C8orf34: variants seen among roughly 807,000 people sequenced by gnomAD.
C8orf34 encodes the protein chromosome 8 open reading frame 34.
Under a neutral mutation model 68.3 loss-of-function variants are expected in C8orf34, and 65 were observed. The ratio of observed to expected loss-of-function variants is 0.95; its 90% CI spans 0.78 to 1.17. C8orf34 has a LOEUF of 1.17. Among genes scored for constraint, C8orf34 ranks in the 50% most tolerant of loss-of-function variants. C8orf34 has a pLI of 0.00. For missense variants in C8orf34, 664 were observed against 655.4 expected (o/e 1.01, Z -0.14); for synonymous variants, 244 against 241.2 (o/e 1.01, Z -0.11).
chr8:68,553,607 A>T (rs753707612), intron 7 of C8orf34, among the ~76,000 whole-genome samples: 1 of 151,848 alleles, frequency 6.6e-6, no homozygotes, highest in African/African-American at 2.4e-5. Flanking sequence ...ATTCCTAGGA[A>T]TCTGTCCATT....
At chr8:68,516,786 G>A (rs1307762886) in intron 5 of C8orf34, among the ~76,000 whole-genome samples, 4 of 151,956 alleles carry the variant, frequency 2.6e-5, no homozygotes, top group African/African-American at 7.2e-5. Context: ...GATTATAGGC[G>A]TGTGCCACCA....
chr8:68,459,903 G>A (rs574395883), intron 3 of C8orf34, among the ~76,000 whole-genome samples: 34 of 152,284 alleles, frequency 2.2e-4, no homozygotes, highest in African/African-American at 6.7e-4. Context: ...CAGAGGTACC[G>A]GGTTCACCTC....
At chr8:68,663,724 G>A (rs1819754709) in intron 8 of C8orf34, among the ~76,000 whole-genome samples, 1 of 151,996 alleles carries the variant, frequency 6.6e-6, no homozygotes, top group Non-Finnish European at 1.5e-5. Flanking sequence ...AGGACCATAG[G>A]GTTTTTAGAT....
intron 4 of C8orf34, among the ~76,000 whole-genome samples, chr8:68,477,537 C>T (rs570436961): frequency 6.6e-6 from 1 of 152,184 alleles, no homozygotes. Context: ...CATTCAGATC[C>T]CAGAATGGTA....
At position 68,467,265 on chromosome 8, in the gene C8orf34, G is replaced by A. The variant is rs118123906; in HGVS notation, c.608-1427G>A. Among the ~76,000 whole-genome samples, 1,317 of 151,834 alleles carry A rather than the reference G, an allele frequency of 8.7e-3. 7 individuals are homozygous for A. The highest frequency in any genetic ancestry group is 0.012 in the Non-Finnish European group (831 of 67,900). ...TTATTATGACTAATTAATTAATATT[G>A]TTCATGGTTGAGCCATAAGATGTCC... is the stretch of plus-strand genomic sequence containing the variant. On this transcript the variant is annotated intron_variant, in intron 3 of 13. Transcript: ENST00000518698.
chr8:68,477,755 G>T (rs889869330), intron 4 of C8orf34, among the ~76,000 whole-genome samples: 5 of 152,186 alleles, frequency 3.3e-5, no homozygotes, highest in African/African-American at 1.2e-4. Flanking sequence ...AAATCTAGGT[G>T]GAGTTTCCCA....
At chr8:68,513,862 A>G (rs752340729) in intron 5 of C8orf34, among the ~76,000 whole-genome samples, 6 of 152,034 alleles carry the variant, frequency 3.9e-5, no homozygotes, top group Non-Finnish European at 7.4e-5. Context: ...GTCCCAGAAA[A>G]GGAAGGAAAA....
At chr8:68,472,828 C>G (rs60370953) in intron 4 of C8orf34, among the ~76,000 whole-genome samples, 1 of 151,956 alleles carries the variant, frequency 6.6e-6, no homozygotes, top group Non-Finnish European at 1.5e-5. Context: ...TATTCTTTTT[C>G]TCTCATTCTA....
intron 1 of C8orf34, among the ~76,000 whole-genome samples, chr8:68,409,191 A>T (rs1281152757): frequency 6.6e-6 from 1 of 152,202 alleles, no homozygotes; most frequent in Non-Finnish European, 1.5e-5. Context: ...TATTTTCTAT[A>T]TTTGAATAAT....
At chr8:68,791,016 T>G (rs540628803) in intron 12 of C8orf34, 1 of 594,990 alleles carries the variant, frequency 1.7e-6, no homozygotes, top group South Asian at 2.2e-5. Flanking sequence ...TATAAATAAG[T>G]TTGAATATAA....
At chr8:68,509,654 G>A (rs1814176308) in intron 5 of C8orf34, among the ~76,000 whole-genome samples, 2 of 152,178 alleles carry the variant, frequency 1.3e-5, no homozygotes, top group Non-Finnish European at 2.9e-5. Context: ...GATTTGGGAT[G>A]CATTTGAAAG....
chr8:68,519,394 C>T (rs1432388109), intron 5 of C8orf34, among the ~76,000 whole-genome samples: 1 of 152,156 alleles, frequency 6.6e-6, no homozygotes, highest in Non-Finnish European at 1.5e-5. Flanking sequence ...CCTCATAGCT[C>T]ACTAAGAATA....
chr8:68,758,791 T>C (rs1313784805), intron 10 of C8orf34, among the ~76,000 whole-genome samples: 1 of 151,948 alleles, frequency 6.6e-6, no homozygotes, highest in Non-Finnish European at 1.5e-5. Flanking sequence ...CATATCCATT[T>C]AAATAGTGTA....
intron 6 of C8orf34, among the ~76,000 whole-genome samples, chr8:68,528,044 T>A (rs1815088507): frequency 6.6e-6 from 1 of 152,206 alleles, no homozygotes; most frequent in Non-Finnish European, 1.5e-5. Context: ...CCACATCATC[T>A]TCTAGCAATA....
chr8:68,488,842 A>G (rs1315782359), intron 5 of C8orf34, among the ~76,000 whole-genome samples: 2 of 152,128 alleles, frequency 1.3e-5, no homozygotes, highest in Non-Finnish European at 2.9e-5. Flanking sequence ...TAGTCTCAAA[A>G]GCCCTTTACA....
At chr8:68,618,115 G>A (rs1818281542) in intron 7 of C8orf34, among the ~76,000 whole-genome samples, 3 of 151,676 alleles carry the variant, frequency 2.0e-5, no homozygotes, top group Admixed American at 6.6e-5. Context: ...TGTCTCAAAT[G>A]GATATCAATT....
intron 1 of C8orf34, among the ~76,000 whole-genome samples, chr8:68,375,485 C>A (rs1250860682): frequency 6.6e-6 from 1 of 152,136 alleles, no homozygotes; most frequent in Non-Finnish European, 1.5e-5. Context: ...AATGGACATG[C>A]ACAAGCATCG....
chr8:68,635,292 G>GTAGA (rs768586570), intron 7 of C8orf34, among the ~76,000 whole-genome samples: 4 of 152,176 alleles, frequency 2.6e-5, no homozygotes, highest in Non-Finnish European at 5.9e-5. Context: ...ACAGAAGCAA[G>GTAGA]TAGATAGTTG....
At chr8:68,648,879 G>A (rs16934826) in intron 8 of C8orf34, among the ~76,000 whole-genome samples, 1,842 of 152,262 alleles carry the variant, frequency 0.012, 37 homozygotes, top group African/African-American at 0.043. Flanking sequence ...GTAGATCACT[G>A]TTGGTGACAG....
Sources: gnomAD v4.1 joint callset for allele counts (sites outside exome capture counted in the v4.1 genomes callset) on GRCh38, gnomAD v4.1.1 for gene constraint, MANE v1.5 for transcripts, NCBI Gene and HGNC (gene_info 2026-07-23, HGNC 2026-07-21) for gene names.